Variants in GSN observed in about 807,000 individuals in gnomAD.
GSN encodes actin-depolymerizing factor.
In GSN, 56 loss-of-function variants were observed where a neutral mutation model predicts 85.7. The observed-to-expected ratio is 0.65, with a 90% CI of 0.53 to 0.82. The LOEUF (loss-of-function observed/expected upper bound fraction) is 0.82. Ranked by LOEUF, GSN falls within the 40% of genes least tolerant of loss-of-function variation. The pLI, the probability that GSN is intolerant of heterozygous loss-of-function variation, is 0.00. For missense variants in GSN, 857 were observed against 979.8 expected (o/e 0.87, Z 1.67); for synonymous variants, 373 against 399.1 (o/e 0.93, Z 0.78).
chr9:121,327,699 C>T (rs1231394918), intron 14 of GSN, among the ~76,000 whole-genome samples: 2 of 149,040 alleles, frequency 1.3e-5, no homozygotes, highest in Non-Finnish European at 2.9e-5. Flanking sequence ...CTAGCCTGGG[C>T]GTGGTGGTTC....
At chr9:121,276,294 C>T (rs945524356) in intron 1 of GSN, among the ~76,000 whole-genome samples, 33 of 152,226 alleles carry the variant, frequency 2.2e-4, no homozygotes, top group African/African-American at 5.8e-4. Context: ...GGGAAGAATT[C>T]CTTGCTTTGG....
rs1339150396 is a variant in GSN at position 121,299,876 on chromosome 9, C to A, written c.-9-2087C>A. The stretch of plus-strand genomic sequence containing the variant: ...CTGTCGCCACCATGGCTCCGCACCG[C>A]CCCGCGCCCGCGCTGCTTTGCGCGC... On this transcript the variant is annotated intron_variant, in intron 2 of 17. Coordinates refer to ENST00000432226, the MANE Select transcript of GSN (RefSeq NM_198252.3). This position sits in a 1 kb window ranked among gnomAD's most constrained non-coding sequence, Gnocchi z 4.2. 1 of 1,327,296 alleles carries A rather than the reference C, an allele frequency of 7.5e-7. No homozygotes were observed. Among genetic ancestry groups the A allele is most frequent in the Non-Finnish European group, 9.7e-7 (1 of 1,030,650 alleles). 82.2% of individuals were successfully genotyped at this position (1,327,296 alleles called of 1,614,324 possible). A position where few individuals can be genotyped will look rare whatever the true frequency, so the allele number is the denominator to read the frequency against.
chr9:121,214,515 T>C (rs1056576372), intron 4 of GSN, among the ~76,000 whole-genome samples: 4 of 152,194 alleles, frequency 2.6e-5, no homozygotes, highest in African/African-American at 9.6e-5. Flanking sequence ...CATGGTAGTG[T>C]ACAAAATATA....
chr9:121,228,351 C>G (rs1322888969), intron 4 of GSN, among the ~76,000 whole-genome samples: 3 of 144,276 alleles, frequency 2.1e-5, no homozygotes, highest in Non-Finnish European at 3.0e-5. Flanking sequence ...TGTTGAGCAT[C>G]TACTGTGTGC....
At chr9:121,258,706 T>C (rs2055019291) in intron 6 of GSN, among the ~76,000 whole-genome samples, 1 of 151,932 alleles carries the variant, frequency 6.6e-6, no homozygotes. Flanking sequence ...AAGGTTAGCC[T>C]TGACCAATTC....
upstream of GSN, among the ~76,000 whole-genome samples, chr9:121,266,125 A>G (rs2055194046): frequency 6.6e-6 from 1 of 152,204 alleles, no homozygotes; most frequent in African/African-American, 2.4e-5. Flanking sequence ...ATGGGTAGGC[A>G]TCTGACCCAG....
At chr9:121,314,367 T>C (rs181433086) in intron 7 of GSN, among the ~76,000 whole-genome samples, 3 of 152,316 alleles carry the variant, frequency 2.0e-5, no homozygotes, top group East Asian at 1.9e-4. Flanking sequence ...TAGAAAATAC[T>C]TGGGGAAATA....
At chr9:121,325,325 A>G (rs1416929698) in intron 12 of GSN, among the ~76,000 whole-genome samples, 1 of 152,198 alleles carries the variant, frequency 6.6e-6, no homozygotes. Context: ...CACGTGTAGG[A>G]GTTGCCCAGG....
At chr9:121,274,418 T>G (rs960917075) in intron 1 of GSN, among the ~76,000 whole-genome samples, 15 of 152,224 alleles carry the variant, frequency 9.9e-5, no homozygotes, top group Non-Finnish European at 1.5e-4. Flanking sequence ...GCATACTTTT[T>G]TTGTGTGTTC....
chr9:121,208,847 G>C (rs2132064188), intron 1 of GSN, among the ~76,000 whole-genome samples: 1 of 152,348 alleles, frequency 6.6e-6, no homozygotes, highest in South Asian at 2.1e-4. Flanking sequence ...AAGGGGGGCA[G>C]GTGTTAGAGC....
Position 121,332,475 on chromosome 9 carries a change from C to T in GSN, c.2068C>T (p.Arg690Trp), listed in dbSNP as rs546941257. The change falls in exon 18 of 18, where the codon CGG becomes TGG. Residue 690 changes from arginine to tryptophan, a missense_variant. Arg to Trp is a moderately radical substitution (Grantham distance 101). Transcript: ENST00000432226. This position sits in a 1 kb window ranked among gnomAD's most constrained non-coding sequence, Gnocchi z 4.8. ...GACGGACCCAGCCAATCGGGATCGG[C>T]GGACGCCCATCACCGTGGTGAAGCA... is the stretch of plus-strand genomic sequence containing the variant. ...IETDPANRDRRTPITVVKQGF... is the reference protein window; with the variant it reads ...IETDPANRDRWTPITVVKQGF... 21 of 1,614,054 alleles carry T rather than the reference C, an allele frequency of 1.3e-5. No homozygotes were observed. Among genetic ancestry groups the T allele is most frequent in the Admixed American group, 1.0e-4 (6 of 60,026 alleles).
At position 121,329,115 on chromosome 9, in the gene GSN, G is replaced by T; in HGVS notation, c.1887+100G>T. On this transcript the variant is annotated intron_variant, in intron 15 of 17. Coordinates refer to ENST00000432226, the MANE Select transcript of GSN (RefSeq NM_198252.3). This position sits in a 1 kb window ranked among gnomAD's most constrained non-coding sequence, Gnocchi z 4.6. ...GCAGGAGAAACAGTTCTGATGGTGT[G>T]GCACAGAGGAAGGGGCCCCCTGCCA... 6.4e-7 allele frequency: 1 copy of T among 1,552,860 alleles called. No homozygotes were observed. Among genetic ancestry groups the T allele is most frequent in the Non-Finnish European group, 8.8e-7 (1 of 1,133,836 alleles).
chr9:121,328,600 C>T (rs371008271), intron 14 of GSN, among the ~76,000 whole-genome samples: 4 of 152,324 alleles, frequency 2.6e-5, no homozygotes, highest in African/African-American at 7.2e-5. Context: ...ACAACTGCCT[C>T]ATTAGCTGAG....
intron 2 of GSN, among the ~76,000 whole-genome samples, chr9:121,291,051 TA>T (rs1038349572): frequency 3.3e-5 from 5 of 150,354 alleles, no homozygotes; most frequent in African/African-American, 7.3e-5. Flanking sequence ...TCAGAAATAT[TA>T]AAAAAAAATA....
chr9:121,320,602 G>A (rs1231449153), intron 10 of GSN, among the ~76,000 whole-genome samples: 2 of 150,660 alleles, frequency 1.3e-5, no homozygotes, highest in African/African-American at 2.4e-5. Context: ...CCGAGATTGC[G>A]TCATTGCATT....
upstream of GSN, chr9:121,268,158 G>T (rs971942439): frequency 9.3e-5 from 14 of 150,840 alleles, no homozygotes; most frequent in African/African-American, 1.2e-4. Flanking sequence ...CCGCCCCGCC[G>T]CCCGGAACCA....
chr9:121,324,751 G>GTCCATCCATCCA lies in GSN; in HGVS notation c.1416+141_1416+152dup, dbSNP rs57419831. ...CATTCGTTTGTCCATCTGTCTGTCT[G>GTCCATCCATCCA]TCCATCCATCCATCCATCCATCCAT... is the stretch of plus-strand genomic sequence containing the variant. On this transcript the variant is annotated intron_variant, in intron 12 of 17. Coordinates refer to ENST00000432226, the MANE Select transcript of GSN (RefSeq NM_198252.3). The GTCCATCCATCCA allele has an allele frequency of 1.8e-4, 125 of 679,640 alleles. 1 individual carries two copies. Among genetic ancestry groups the GTCCATCCATCCA allele is most frequent in the East Asian group, 1.3e-3 (45 of 35,490 alleles). 42.1% of individuals were successfully genotyped at this position (679,640 alleles called of 1,614,324 possible).
Position 121,318,833 on chromosome 9 carries a change from A to G in GSN, c.1144A>G (p.Met382Val), listed in dbSNP as rs376180600. ...CGCCACCCTGCACACCTCCACTGCC[A>G]TGGCCGCCCAGCACGGCATGGATGA... The part of the protein sequence containing the change: ...DAATLHTSTA[M>V]AAQHGMDDDG... Residue 382 changes from methionine (M) to valine (V), a missense_variant, in exon 10 of 18, where the codon ATG (methionine) becomes GTG (valine). By Grantham distance (21) the Met-to-Val change is conservative. Coordinates refer to ENST00000432226, the MANE Select transcript of GSN (RefSeq NM_198252.3). This position sits in a 1 kb window ranked among gnomAD's most constrained non-coding sequence, Gnocchi z 4.3. The G allele has an allele frequency of 2.5e-6, 4 of 1,614,078 alleles. No homozygotes were observed. The highest frequency in any genetic ancestry group is 1.1e-5 in the South Asian group (1 of 91,076).
intron 7 of GSN, among the ~76,000 whole-genome samples, chr9:121,316,085 C>T (rs1564538036): frequency 6.6e-6 from 1 of 152,178 alleles, no homozygotes; most frequent in East Asian, 1.9e-4. Flanking sequence ...GGAACAGCTC[C>T]CAAATTACTG....
Sources: gnomAD v4.1 joint callset for allele counts (sites outside exome capture counted in the v4.1 genomes callset) on GRCh38, gnomAD v4.1.1 for gene constraint, Gnocchi (gnomAD v3.1) non-coding constraint, MANE v1.5 for transcripts, NCBI Gene and HGNC (gene_info 2026-07-23, HGNC 2026-07-21) for gene names.